The following TBCE variants were observed in gnomAD, a reference collection of about 807,000 sequenced individuals.
TBCE encodes the protein tubulin folding cofactor E.
TBCE carries 53 observed loss-of-function variants against 77.0 expected under a neutral mutation model. The observed-to-expected ratio is 0.69, with a 90% CI of 0.55 to 0.87. TBCE has a LOEUF of 0.87. Ranked by LOEUF, TBCE falls within the 40% of genes least tolerant of loss-of-function variation. The probability of loss-of-function intolerance (pLI) is 0.00; values close to 1 mark genes in which losing one functional copy is unlikely to be tolerated. For missense variants in TBCE, 624 were observed against 622.4 expected (o/e 1.00, Z -0.03); for synonymous variants, 235 against 241.3 (o/e 0.97, Z 0.24).
At chr1:235,445,238 G>A (rs1401748755) in intron 15 of TBCE, among the ~76,000 whole-genome samples, 1 of 152,026 alleles carries the variant, frequency 6.6e-6, no homozygotes, top group Non-Finnish European at 1.5e-5. Flanking sequence ...TCTCAAATGT[G>A]CACTCACTCA....
intron 14 of TBCE, among the ~76,000 whole-genome samples, chr1:235,442,408 G>A (rs1022097199): frequency 7.2e-5 from 11 of 152,200 alleles, no homozygotes; most frequent in African/African-American, 2.4e-4. Context: ...GACCTCAGGA[G>A]ATCCACCCGC....
rs1216244088 is a variant in TBCE, at chr1:235,450,170, T to C, written c.*1408T>C. 2 of 1,612,634 alleles carry C rather than the reference T, an allele frequency of 1.2e-6. No homozygotes were observed. Among genetic ancestry groups the C allele is most frequent in the African/African-American group, 1.3e-5 (1 of 74,894 alleles). ...ACTTGCACTCAGATTATCGTTTGCC[T>C]GCCCTGATTTTAGACTCTGCTAATT... On this transcript the variant is annotated 3_prime_UTR_variant, in exon 17 of 17. Coordinates refer to ENST00000642610, the MANE Select transcript of TBCE (RefSeq NM_003193.5).
chr1:235,374,550 A>G lies in TBCE; in HGVS notation c.-31-5469A>G, dbSNP rs551210582. Among the ~76,000 whole-genome samples, 102 of 145,278 alleles carry G rather than the reference A, an allele frequency of 7.0e-4. 11 individuals carry two copies. The highest frequency in any genetic ancestry group is 2.4e-3 in the African/African-American group (92 of 37,594). On this transcript the variant is annotated intron_variant, in intron 1 of 16. Transcript: ENST00000642610. ...GAATCTCCCTCTGTCGCCCAGGCTG[A>G]AGTGCAGTGGTGCAATCTGGGCTCA...
chr1:235,395,874 AT>A (rs1364026527), intron 2 of TBCE, among the ~76,000 whole-genome samples: 1 of 151,424 alleles, frequency 6.6e-6, no homozygotes, highest in East Asian at 2.0e-4. Context: ...CATGAGTTCA[AT>A]TATTTTCATT....
At chr1:235,392,063 T>C (rs184992662) in intron 2 of TBCE, among the ~76,000 whole-genome samples, 12 of 152,230 alleles carry the variant, frequency 7.9e-5, no homozygotes, top group Admixed American at 6.6e-4. Context: ...GGCTCATGCC[T>C]GTAATTGCAG....
chr1:235,410,201 C>A (rs958337785), intron 3 of TBCE, among the ~76,000 whole-genome samples: 1 of 151,922 alleles, frequency 6.6e-6, no homozygotes, highest in African/African-American at 2.4e-5. Context: ...GAGCCAAGAT[C>A]ACCCCACTGC....
intron 3 of TBCE, among the ~76,000 whole-genome samples, chr1:235,408,548 A>G (rs1316390086): frequency 6.6e-6 from 1 of 152,132 alleles, no homozygotes; most frequent in Non-Finnish European, 1.5e-5. Flanking sequence ...ATCAGAGCAA[A>G]ATCATAATTG....
chr1:235,402,129 T>C (rs1198014734), intron 3 of TBCE, among the ~76,000 whole-genome samples: 1 of 149,230 alleles, frequency 6.7e-6, no homozygotes, highest in Non-Finnish European at 1.5e-5. Context: ...AGTGGCACAA[T>C]CTCAGCTCAC....
intron 2 of TBCE, among the ~76,000 whole-genome samples, chr1:235,393,034 GC>G (rs2102840040): frequency 6.6e-6 from 1 of 151,934 alleles, no homozygotes; most frequent in African/African-American, 2.4e-5. Flanking sequence ...TTCTGCTTTA[GC>G]TTTTTTCTTG....
chr1:235,424,608 C>T (rs1273283426), intron 5 of TBCE, among the ~76,000 whole-genome samples: 1 of 151,732 alleles, frequency 6.6e-6, no homozygotes, highest in Non-Finnish European at 1.5e-5. Flanking sequence ...CAGGTTCAAG[C>T]GATTCTCCTG....
intron 2 of TBCE, among the ~76,000 whole-genome samples, chr1:235,391,499 A>G (rs1678386841): frequency 6.6e-6 from 1 of 151,738 alleles, no homozygotes; most frequent in Non-Finnish European, 1.5e-5. Context: ...AAAAGCGTAG[A>G]CAAAGAAAGT....
intron 7 of TBCE, chr1:235,433,026 G>A (rs768108802): frequency 1.9e-6 from 3 of 1,542,550 alleles, no homozygotes; most frequent in East Asian, 2.4e-5. Context: ...TGTGCGTGCT[G>A]CAGAAATGCT....
intron 3 of TBCE, among the ~76,000 whole-genome samples, chr1:235,406,046 A>G (rs1406055253): frequency 6.6e-6 from 1 of 152,218 alleles, no homozygotes; most frequent in East Asian, 1.9e-4. Context: ...ATGCCTAAAC[A>G]TTTACATAAT....
chr1:235,435,079 ATG>A (rs1242183257), intron 8 of TBCE, among the ~76,000 whole-genome samples: 1 of 151,544 alleles, frequency 6.6e-6, no homozygotes, highest in Non-Finnish European at 1.5e-5. Context: ...GGGTTTCATT[ATG>A]TAGGCAAATG....
chr1:235,430,835 T>C (rs766431737), intron 7 of TBCE, 31 bp downstream of exon 7: 1 of 1,549,026 alleles, frequency 6.5e-7, no homozygotes, highest in South Asian at 1.1e-5. Flanking sequence ...TATTACACAT[T>C]AATAAGCAAT....
chr1:235,384,649 G>T (rs1440440975), intron 2 of TBCE, among the ~76,000 whole-genome samples: 1 of 151,408 alleles, frequency 6.6e-6, no homozygotes, highest in African/African-American at 2.4e-5. Context: ...ATTTCTGTGG[G>T]ATCGGTGGTG....
intron 2 of TBCE, among the ~76,000 whole-genome samples, chr1:235,390,661 T>C (rs1678325231): frequency 6.7e-6 from 1 of 150,338 alleles, no homozygotes. Context: ...CTTGGGAGGC[T>C]GAGGCAGGAG....
At chr1:235,410,155 G>A (rs1192231688) in intron 3 of TBCE, among the ~76,000 whole-genome samples, 1 of 143,016 alleles carries the variant, frequency 7.0e-6, no homozygotes, top group East Asian at 1.9e-4. Flanking sequence ...GCTGAGGCAG[G>A]AGAATTGCTT....
At chr1:235,436,503 A>T in intron 10 of TBCE, 41 bp from the exon 11 acceptor site, 1 of 1,611,510 alleles carries the variant, frequency 6.2e-7, no homozygotes, top group Non-Finnish European at 8.5e-7. Flanking sequence ...TACTTCAGCT[A>T]CTTTCACTTC....
Sources: gnomAD v4.1 joint callset for allele counts (sites outside exome capture counted in the v4.1 genomes callset) on GRCh38, gnomAD v4.1.1 for gene constraint, MANE v1.5 for transcripts, NCBI Gene and HGNC (gene_info 2026-07-23, HGNC 2026-07-21) for gene names.